The following C16orf96 variants were observed in gnomAD, a reference collection of about 807,000 sequenced individuals.
C16orf96 encodes chromosome 16 open reading frame 96, also known as uncharacterized protein C16orf96.
A neutral mutation model predicts 103.6 loss-of-function variants in C16orf96; 108 were observed. The observed-to-expected ratio is 1.04, with a 90% CI of 0.89 to 1.22. C16orf96 has a LOEUF of 1.22. Ranked by LOEUF, C16orf96 falls within the 50% of genes most tolerant of loss-of-function variation. The probability of loss-of-function intolerance (pLI) is 0.00; values close to 1 mark genes in which losing one functional copy is unlikely to be tolerated. For synonymous variants in C16orf96, 566 were observed against 593.5 expected (o/e 0.95, Z 0.67); for missense variants, 1,586 against 1,464.2 (o/e 1.08, Z -1.36).
At chr16:4,581,700 T>G (rs2059590783) in intron 7 of C16orf96, among the ~76,000 whole-genome samples, 1 of 151,862 alleles carries the variant, frequency 6.6e-6, no homozygotes, top group Admixed American at 6.6e-5. Flanking sequence ...TCCTAGTACT[T>G]TGGGTGCAGA....
At position 4,593,589 on chromosome 16, in the gene C16orf96, C is replaced by A. The variant is rs1212664260; in HGVS notation, c.2867+273C>A. Among the ~76,000 whole-genome samples, 4 of 151,976 alleles carry A rather than the reference C, an allele frequency of 2.6e-5. No homozygotes were observed. The highest frequency in any genetic ancestry group is 7.3e-5 in the African/African-American group (3 of 41,350). ...ACGGTTTCTTATTTAAATCTCACAA[C>A]CCCCTGTGAGCTAGGGTTCCTATGC... is the stretch of plus-strand genomic sequence containing the variant. On this transcript the variant is annotated intron_variant, in intron 12 of 15. Transcript: ENST00000444310. The surrounding 1 kb of genome is among the most constrained non-coding windows in gnomAD (Gnocchi z 4.2).
At chr16:4,592,661 A>G (rs1897086268) in intron 11 of C16orf96, among the ~76,000 whole-genome samples, 1 of 152,232 alleles carries the variant, frequency 6.6e-6, no homozygotes, top group Non-Finnish European at 1.5e-5. Flanking sequence ...CCCAGCCTTC[A>G]AGATACACAT....
At chr16:4,599,391 C>G in intron 15 of C16orf96, 27 bp downstream of exon 15, 2 of 1,538,142 alleles carry the variant, frequency 1.3e-6, no homozygotes, top group Non-Finnish European at 1.8e-6. Flanking sequence ...CAGCCCCAGC[C>G]CAGCTGTGAT....
At chr16:4,546,996 G>GC in the C16orf96 span, among the ~76,000 whole-genome samples, 146,773 of 152,152 alleles carry the variant, frequency 0.96, 71,020 homozygotes, top group East Asian at 1. Context: ...TCGATATATT[G>GC]CCTGGCAGGT....
intron 2 of C16orf96, among the ~76,000 whole-genome samples, chr16:4,573,036 G>A (rs1199246857): frequency 6.6e-6 from 1 of 152,148 alleles, no homozygotes; most frequent in Non-Finnish European, 1.5e-5. Flanking sequence ...GCAACTGTGG[G>A]AGCTTTAGGC....
intron 9 of C16orf96, among the ~76,000 whole-genome samples, chr16:4,590,199 G>C (rs1251592954): frequency 6.6e-6 from 1 of 152,084 alleles, no homozygotes; most frequent in African/African-American, 2.4e-5. Flanking sequence ...GAGATGGGAG[G>C]ATCACTTGAG....
At chr16:4,561,013 G>A (rs1053054015) in intron 1 of C16orf96, 16 of 152,118 alleles carry the variant, frequency 1.1e-4, no homozygotes, top group Admixed American at 5.9e-4. Flanking sequence ...TTAGTCGGAT[G>A]TGATGGCACA....
At chr16:4,579,768 C>G (rs934682722) in intron 6 of C16orf96, among the ~76,000 whole-genome samples, 5 of 152,062 alleles carry the variant, frequency 3.3e-5, no homozygotes, top group African/African-American at 1.2e-4. Context: ...CCCGCCACCA[C>G]ACCTGGCTAA....
chr16:4,569,169 C>T (rs2059411189), intron 1 of C16orf96, among the ~76,000 whole-genome samples: 1 of 151,398 alleles, frequency 6.6e-6, no homozygotes, highest in East Asian at 2.0e-4. Context: ...GGGGTTTCAC[C>T]ATGTTGGCCA....
chr16:4,576,917 C>T (rs1479071286), intron 5 of C16orf96, among the ~76,000 whole-genome samples: 3 of 152,144 alleles, frequency 2.0e-5, no homozygotes, highest in Non-Finnish European at 4.4e-5. Context: ...TGTGGCCAGG[C>T]GTGGTGGCTC....
At position 4,575,924 on chromosome 16, in the gene C16orf96, A is replaced by G. The variant is rs1026856279; in HGVS notation, c.1444A>G (p.Arg482Gly). 2.0e-5 allele frequency: 31 copies of G among 1,550,544 alleles called. No individual in the cohort carries two copies. The highest frequency in any genetic ancestry group is 1.2e-4 in the Admixed American group (6 of 50,908). ...RARKDGAPKD[R>G]TRKDGVPKDR... is the part of the protein sequence containing the mutation. ...CCGCAAGGATGGGGCCCCCAAGGAT[A>G]GAACTCGCAAGGATGGGGTCCCCAA... Residue 482 changes from arginine (R) to glycine (G), a missense_variant, in exon 5 of 16, where the codon AGA (arginine) becomes GGA (glycine). Arg to Gly is a moderately radical substitution (Grantham distance 125). Transcript: ENST00000444310.
Position 4,575,192 on chromosome 16 carries a change from C to T in C16orf96, c.712C>T (p.Leu238=). Residue 238 remains leucine, a synonymous_variant, in exon 5 of 16, where the codon CTG becomes TTG. Transcript: ENST00000444310. ...TCTGCAGGAAATTGGTTCATCACCA[C>T]TGGACCTGTGGCAGTCTGTAGAGCA... is the stretch of plus-strand genomic sequence containing the variant. ...MFTSEIGSSP[L]DLWQSVEQLP... The T allele has an allele frequency of 1.3e-6, 2 of 1,546,798 alleles. No homozygotes were observed. Among genetic ancestry groups the T allele is most frequent in the Non-Finnish European group, 1.7e-6 (2 of 1,146,848 alleles).
Position 4,594,705 on chromosome 16 carries a change from C to T in C16orf96, c.3029C>T (p.Ala1010Val). The change falls in exon 14 of 16, where the codon GCC becomes GTC. Residue 1010 changes from alanine to valine, a missense_variant and splice_region_variant. Transcript: ENST00000444310. ...GDPHVIDYDS[A>V]EVDILGVDGI... is the part of the protein sequence containing the mutation. The stretch of plus-strand genomic sequence containing the variant: ...CCCGGGACCTGGGCCATCCAACAGG[C>T]CGAGGTGGACATCCTGGGCGTGGAT... 1 of 1,551,198 alleles carries T rather than the reference C, an allele frequency of 6.4e-7. No homozygotes were observed. Among genetic ancestry groups the T allele is most frequent in the Non-Finnish European group, 8.7e-7 (1 of 1,146,936 alleles).
intron 9 of C16orf96, among the ~76,000 whole-genome samples, chr16:4,590,190 A>G (rs1596536405): frequency 6.6e-6 from 1 of 152,228 alleles, no homozygotes; most frequent in Non-Finnish European, 1.5e-5. Context: ...TGGGAGGTTG[A>G]GATGGGAGGA....
intron 2 of C16orf96, among the ~76,000 whole-genome samples, chr16:4,574,462 T>C (rs547706421): frequency 6.6e-6 from 1 of 152,198 alleles, no homozygotes; most frequent in South Asian, 2.1e-4. Context: ...CCTCAAGTTA[T>C]CCACCCACCT....
At chr16:4,591,817 G>T (rs1897066177) in intron 10 of C16orf96, 33 bp downstream of exon 10, 2 of 1,312,230 alleles carry the variant, frequency 1.5e-6, no homozygotes, top group Non-Finnish European at 2.1e-6. Flanking sequence ...CCTGGTAGGG[G>T]TCCTGCTGCC....
Position 4,593,673 on chromosome 16 carries a change from G to A in C16orf96, c.2867+357G>A, listed in dbSNP as rs57394312. On this transcript the variant is annotated intron_variant, in intron 12 of 15. Transcript: ENST00000444310. This position sits in a 1 kb window ranked among gnomAD's most constrained non-coding sequence, Gnocchi z 4.2. Reference sequence around the variant, plus strand: ...GATGATGGGGAACCCTCAGGGAGCCGCTGCTGTGCCCGGCAGGCACTGTGC... The same window carrying A: ...GATGATGGGGAACCCTCAGGGAGCCACTGCTGTGCCCGGCAGGCACTGTGC... Among the ~76,000 whole-genome samples the A allele has an allele frequency of 0.013, 1,992 of 152,172 alleles. 41 individuals are homozygous for A. The highest frequency in any genetic ancestry group is 0.045 in the African/African-American group (1,868 of 41,516).
chr16:4,580,117 G>A lies in C16orf96; in HGVS notation c.2344G>A (p.Glu782Lys), dbSNP rs767716567. 1 of 1,532,322 alleles carries A rather than the reference G, an allele frequency of 6.5e-7. No homozygotes were observed. Among genetic ancestry groups the A allele is most frequent in the South Asian group, 1.2e-5 (1 of 80,212 alleles). The allele number at this position is 1,532,322 out of a possible 1,614,324, so 94.9% of individuals were successfully genotyped here. The change falls in exon 7 of 16, where the codon GAG (glutamate) becomes AAG (lysine). Residue 782 changes from glutamate to lysine, a missense_variant. By Grantham distance (56) the Glu-to-Lys change is moderately conservative. Transcript: ENST00000444310. Reference protein sequence around the residue: ...AVENLQIRMDEFKTLQAQIKR... With the variant: ...AVENLQIRMDKFKTLQAQIKR... Reference sequence around the variant, plus strand: ...GGAGAACCTGCAGATTCGCATGGATGAGTTCAAGGTTAGGAGGACTGGGTA... The same window carrying A: ...GGAGAACCTGCAGATTCGCATGGATAAGTTCAAGGTTAGGAGGACTGGGTA...
intron 7 of C16orf96, among the ~76,000 whole-genome samples, chr16:4,582,163 T>A (rs2059595903): frequency 1.3e-5 from 2 of 151,898 alleles, no homozygotes; most frequent in Admixed American, 6.6e-5. Context: ...ATGCCTGTAA[T>A]CCCAGCTACT....
Sources: allele counts gnomAD v4.1 joint callset (sites outside exome capture counted in the v4.1 genomes callset), GRCh38; gene constraint gnomAD v4.1.1; non-coding constraint Gnocchi (gnomAD v3.1); transcripts MANE v1.5; gene names NCBI Gene and HGNC (gene_info 2026-07-23, HGNC 2026-07-21).